PIWIL1: variants seen among roughly 807,000 people sequenced by gnomAD.
PIWIL1 encodes the protein piwi-like protein 1.
Under a neutral mutation model 114.4 loss-of-function variants are expected in PIWIL1, and 73 were observed. The ratio of observed to expected loss-of-function variants is 0.64; its 90% CI spans 0.53 to 0.78. The LOEUF is 0.78. Among genes scored for constraint, PIWIL1 ranks in the 30% least tolerant of loss-of-function variants. The probability of loss-of-function intolerance (pLI) is 0.00; values close to 1 mark genes in which losing one functional copy is unlikely to be tolerated. For missense variants in PIWIL1, 723 were observed against 1,063.1 expected (o/e 0.68, Z 4.45); for synonymous variants, 375 against 369.0 (o/e 1.02, Z -0.19).
chr12:130,345,990 C>T (rs912106271), intron 4 of PIWIL1, 112 bp downstream of exon 4: 62 of 1,095,574 alleles, frequency 5.7e-5, no homozygotes, highest in Non-Finnish European at 7.2e-5. Flanking sequence ...CATGGCTTTT[C>T]GATTTTCCTC....
At chr12:130,348,032 A>G (rs947476422) in intron 6 of PIWIL1, 71 bp from the exon 7 acceptor site, 2 of 1,048,278 alleles carry the variant, frequency 1.9e-6, no homozygotes, top group Non-Finnish European at 2.9e-6. Context: ...CCTGCTCTAA[A>G]CGACATGCTG....
At chr12:130,353,926 CAA>C (rs772465904) in intron 9 of PIWIL1, among the ~76,000 whole-genome samples, 41 of 98,872 alleles carry the variant, frequency 4.1e-4, no homozygotes, top group Admixed American at 5.5e-4. Context: ...ACTCCATCTT[CAA>C]AAAAAAAAAA....
the PIWIL1 span, among the ~76,000 whole-genome samples, chr12:130,417,681 T>G: frequency 6.6e-6 from 1 of 152,234 alleles, no homozygotes; most frequent in Non-Finnish European, 1.5e-5. Context: ...CATTCTGCAC[T>G]ATACCCATGT....
downstream of PIWIL1, among the ~76,000 whole-genome samples, chr12:130,373,840 C>T (rs937622151): frequency 5.3e-5 from 8 of 152,300 alleles, no homozygotes; most frequent in South Asian, 2.1e-4. Flanking sequence ...ACCGAGTACA[C>T]GGAGCACTGT....
At chr12:130,358,568 T>C (rs902783663) in intron 14 of PIWIL1, among the ~76,000 whole-genome samples, 16 of 152,256 alleles carry the variant, frequency 1.1e-4, no homozygotes, top group African/African-American at 3.9e-4. Context: ...GCCCAGGACA[T>C]GTTAATCACT....
At chr12:130,388,264 C>G in the PIWIL1 span, among the ~76,000 whole-genome samples, 5 of 152,174 alleles carry the variant, frequency 3.3e-5, no homozygotes, top group Non-Finnish European at 5.9e-5. Flanking sequence ...CAGGCATGCA[C>G]CACCTTGCCT....
the PIWIL1 span, among the ~76,000 whole-genome samples, chr12:130,416,309 A>C: frequency 6.6e-6 from 1 of 152,338 alleles, no homozygotes; most frequent in Middle Eastern, 3.4e-3. Flanking sequence ...GCATCACATT[A>C]CCTGACTTCA....
the PIWIL1 span, among the ~76,000 whole-genome samples, chr12:130,385,530 T>C: frequency 1.4e-3 from 218 of 152,346 alleles, 1 homozygote; most frequent in African/African-American, 5.2e-3. Context: ...TGCTTTAATA[T>C]ATGATGCAGT....
intron 18 of PIWIL1, among the ~76,000 whole-genome samples, chr12:130,365,588 G>A (rs1048082431): frequency 2.0e-5 from 3 of 152,166 alleles, no homozygotes; most frequent in East Asian, 1.9e-4. Flanking sequence ...TTATAGCAAC[G>A]TATCACAGGG....
chr12:130,408,168 C>T, the PIWIL1 span, among the ~76,000 whole-genome samples: 3 of 152,168 alleles, frequency 2.0e-5, no homozygotes, highest in African/African-American at 2.4e-5. Context: ...ACGGGGAGGC[C>T]GTGGCTTGGG....
chr12:130,407,836 A>C, the PIWIL1 span: 1 of 1,611,176 alleles, frequency 6.2e-7, no homozygotes, highest in South Asian at 1.1e-5. Context: ...CTCTCTGTTC[A>C]GATCACAAGG....
chr12:130,349,691 C>T (rs767932652), intron 8 of PIWIL1, among the ~76,000 whole-genome samples, 165 bp from the exon 9 acceptor site: 5 of 152,198 alleles, frequency 3.3e-5, no homozygotes, highest in South Asian at 2.1e-4. Context: ...TCACTTCCCC[C>T]ATCCATCTGG....
intron 4 of PIWIL1, 96 bp from the exon 5 acceptor site, chr12:130,346,274 T>G: frequency 2.3e-6 from 2 of 865,462 alleles, no homozygotes. Context: ...CTTAGCCTTG[T>G]GTTTACGGAA....
chr12:130,412,534 T>A, the PIWIL1 span: 1 of 1,257,576 alleles, frequency 8.0e-7, no homozygotes. Flanking sequence ...ATTTGGGGTC[T>A]CCTCATCACC....
chr12:130,358,292 G>A (rs1377376761), intron 14 of PIWIL1, among the ~76,000 whole-genome samples: 1 of 152,154 alleles, frequency 6.6e-6, no homozygotes, highest in African/African-American at 2.4e-5. Flanking sequence ...GGTTTTCATT[G>A]GTGATCTGAA....
Position 130,354,656 on chromosome 12 carries a change from T to G in PIWIL1, c.1164T>G (p.Tyr388Ter), listed in dbSNP as rs2073314256. The G allele has an allele frequency of 2.5e-6, 4 of 1,585,334 alleles. No individual in the cohort carries two copies. The highest frequency in any genetic ancestry group is 3.4e-6 in the Non-Finnish European group (4 of 1,169,686). The change falls in exon 10 of 21, where the codon TAT becomes TAG. Residue 388 changes from tyrosine to a stop codon, truncating the protein, a stop_gained. Coordinates refer to ENST00000245255, the MANE Select transcript of PIWIL1 (RefSeq NM_004764.5). LOFTEE classifies it high-confidence loss of function. ...GPAMLIPELC[Y>*]LTGLTDKMRN... ...CCATGCTCATTCCTGAGCTCTGCTA[T>G]CTTACAGGTACTGTTGCATTTCATT...
chr12:130,375,497 T>C (rs1000437982), downstream of PIWIL1, among the ~76,000 whole-genome samples: 1 of 152,188 alleles, frequency 6.6e-6, no homozygotes, highest in African/African-American at 2.4e-5. Flanking sequence ...CTGAACCGCG[T>C]TTGCTCTGCA....
chr12:130,396,581 T>C, the PIWIL1 span: 2 of 152,660 alleles, frequency 1.3e-5, no homozygotes, highest in Non-Finnish European at 2.9e-5. Flanking sequence ...TATTTGGGTA[T>C]GGCATTTTGA....
intron 1 of PIWIL1, among the ~76,000 whole-genome samples, chr12:130,339,046 G>A (rs1292988511): frequency 6.6e-6 from 1 of 151,746 alleles, no homozygotes; most frequent in Non-Finnish European, 1.5e-5. Context: ...CGCGGCCGCG[G>A]GGCGCGATCT....
Sources: gnomAD v4.1 joint callset for allele counts (sites outside exome capture counted in the v4.1 genomes callset) on GRCh38, gnomAD v4.1.1 for gene constraint, MANE v1.5 for transcripts, NCBI Gene and HGNC (gene_info 2026-07-23, HGNC 2026-07-21) for gene names.